Variants in CHRM2 observed in about 807,000 individuals in gnomAD.
The protein encoded by CHRM2 is cholinergic receptor muscarinic 2, also known as muscarinic acetylcholine receptor M2.
Under a neutral mutation model 25.0 loss-of-function variants are expected in CHRM2, and 8 were observed. That is an observed-to-expected ratio of 0.32 (90% CI 0.19 to 0.58). The LOEUF (loss-of-function observed/expected upper bound fraction) is 0.58, where lower values mean the gene tolerates loss of function less well. Ranked by LOEUF, CHRM2 falls within the 20% of genes least tolerant of loss-of-function variation. CHRM2 has a pLI of 0.88. For missense variants in CHRM2, 440 were observed against 567.1 expected, an observed-to-expected ratio of 0.78 and a Z score of 2.28; for synonymous variants, 202 against 205.7, an observed-to-expected ratio of 0.98 and a Z score of 0.15.
At chr7:136,961,601 G>C (rs1801086093) in intron 2 of CHRM2, among the ~76,000 whole-genome samples, 1 of 151,934 alleles carries the variant, frequency 6.6e-6, no homozygotes, top group Admixed American at 6.6e-5. Context: ...AGACTTTGGG[G>C]TACATTTCAA....
intron 2 of CHRM2, chr7:136,938,502 A>G: frequency 9.7e-7 from 1 of 1,026,108 alleles, no homozygotes; most frequent in Non-Finnish European, 1.5e-6. Flanking sequence ...CCTCTAGGAT[A>G]AGGGGGCTCA....
intron 2 of CHRM2, among the ~76,000 whole-genome samples, chr7:136,910,025 CTGAG>C (rs1250680389): frequency 6.6e-6 from 1 of 151,722 alleles, no homozygotes; most frequent in African/African-American, 2.4e-5. Flanking sequence ...TGTTTAGTAA[CTGAG>C]TGAGTAGTGG....
In CHRM2 at chr7:136,921,794, C is replaced by CTTTTTTTT. The variant is rs398006503; in HGVS notation, c.-125+52377_-125+52384dup. 1.7e-5 allele frequency among the ~76,000 whole-genome samples: 2 copies of CTTTTTTTT among 116,534 alleles called. 1 individual carries two copies. Among genetic ancestry groups the CTTTTTTTT allele is most frequent in the Non-Finnish European group, 4.1e-5 (2 of 48,782 alleles). The allele number at this position is 116,534 out of a possible 152,430, so 76.5% of individuals were successfully genotyped here. Reference sequence around the variant, plus strand: ...TCTTTCTTTCTTTCTTTCTTTCTTTCTTTTTTTTGAGACAGATTCTCACTC... The same window carrying CTTTTTTTT: ...TCTTTCTTTCTTTCTTTCTTTCTTTCTTTTTTTTTTTTTTTTGAGACAGATTCTCACTC... On this transcript the variant is annotated intron_variant, in intron 2 of 3. Coordinates refer to ENST00000680005, the MANE Select transcript of CHRM2 (RefSeq NM_001006630.2).
chr7:136,972,179 A>C (rs1801822642), intron 2 of CHRM2, among the ~76,000 whole-genome samples: 1 of 151,940 alleles, frequency 6.6e-6, no homozygotes, highest in Non-Finnish European at 1.5e-5. Flanking sequence ...GCCATCTTTC[A>C]GAATAACATA....
intron 2 of CHRM2, among the ~76,000 whole-genome samples, chr7:136,917,947 A>G (rs1450684972): frequency 6.6e-6 from 1 of 152,128 alleles, no homozygotes; most frequent in African/African-American, 2.4e-5. Flanking sequence ...ACAATCCATC[A>G]TGGAGCAGAC....
rs556010233 is a variant in CHRM2, at chr7:136,963,391, A to G, written c.-124-28796A>G. On this transcript the variant is annotated intron_variant, in intron 2 of 3. Transcript: ENST00000680005. Reference sequence around the variant, plus strand: ...GATCTCTGCTCTTGAGGAACTTACAATTCAAGAAAATCAAAGCAGTAAAGC... The same window carrying G: ...GATCTCTGCTCTTGAGGAACTTACAGTTCAAGAAAATCAAAGCAGTAAAGC... Among the ~76,000 whole-genome samples, 22 of 152,304 alleles carry G rather than the reference A, an allele frequency of 1.4e-4. No individual in the cohort carries two copies. In the East Asian group the frequency reaches 4.2e-3, roughly 29 times the overall value.
intron 2 of CHRM2, among the ~76,000 whole-genome samples, chr7:136,955,345 T>C (rs1349338540): frequency 6.6e-6 from 1 of 152,186 alleles, no homozygotes; most frequent in Non-Finnish European, 1.5e-5. Context: ...ACTATTACTC[T>C]GGGGCTTCAA....
chr7:136,925,255 A>G (rs934444801), intron 2 of CHRM2, among the ~76,000 whole-genome samples: 2 of 152,028 alleles, frequency 1.3e-5, no homozygotes, highest in Non-Finnish European at 2.9e-5. Context: ...TAGCTATCCA[A>G]CCGGATGCCA....
At chr7:136,951,018 C>A (rs1297262938) in intron 2 of CHRM2, 2 of 152,212 alleles carry the variant, frequency 1.3e-5, no homozygotes, top group Non-Finnish European at 2.9e-5. Flanking sequence ...CCAGGCTGAT[C>A]TTATACTCCT....
chr7:136,997,081 T>G (rs1803654767), intron 3 of CHRM2, among the ~76,000 whole-genome samples: 1 of 152,224 alleles, frequency 6.6e-6, no homozygotes, highest in South Asian at 2.1e-4. Flanking sequence ...CTGTACAGTG[T>G]GCATATGTTA....
At chr7:136,969,341 G>T (rs909406352) in intron 2 of CHRM2, among the ~76,000 whole-genome samples, 1 of 152,140 alleles carries the variant, frequency 6.6e-6, no homozygotes, top group Admixed American at 6.5e-5. Context: ...TTAGATTAAA[G>T]TTTGCTCTTT....
At chr7:136,994,521 CTTTTTTTTTTTTT>C (rs757243972) in intron 3 of CHRM2, among the ~76,000 whole-genome samples, 3 of 71,372 alleles carry the variant, frequency 4.2e-5, no homozygotes, top group Non-Finnish European at 8.4e-5. Flanking sequence ...TTTTTCTTTT[CTTTTTTTTTTTTT>C]TTTTTTTTTT....
chr7:136,911,710 A>G (rs7810473), intron 2 of CHRM2, among the ~76,000 whole-genome samples: 60,526 of 151,852 alleles, frequency 0.4, 12,758 homozygotes, highest in African/African-American at 0.44. Context: ...ACCTGTTTAC[A>G]TGTCGAATTT....
intron 3 of CHRM2, among the ~76,000 whole-genome samples, chr7:136,993,389 T>C (rs912819313): frequency 6.6e-6 from 1 of 152,222 alleles, no homozygotes; most frequent in African/African-American, 2.4e-5. Flanking sequence ...CTTAGTTTTC[T>C]TGTCTATAAA....
At chr7:136,874,450 T>C (rs1184806986) in intron 2 of CHRM2, among the ~76,000 whole-genome samples, 1 of 152,120 alleles carries the variant, frequency 6.6e-6, no homozygotes, top group Non-Finnish European at 1.5e-5. Context: ...TAATGTTTCA[T>C]GGTAGATAAG....
chr7:136,915,448 G>T (rs1180368491), intron 2 of CHRM2, among the ~76,000 whole-genome samples: 1 of 151,636 alleles, frequency 6.6e-6, no homozygotes, highest in Non-Finnish European at 1.5e-5. Flanking sequence ...TTGACTGATA[G>T]GTTTTAATTG....
At chr7:136,934,176 A>G (rs1297113286) in intron 2 of CHRM2, among the ~76,000 whole-genome samples, 3 of 152,110 alleles carry the variant, frequency 2.0e-5, no homozygotes, top group Non-Finnish European at 4.4e-5. Context: ...AATTTCTCCT[A>G]TGGAATTTTA....
chr7:136,985,162 A>C (rs1250470765), intron 2 of CHRM2, among the ~76,000 whole-genome samples: 1 of 152,182 alleles, frequency 6.6e-6, no homozygotes, highest in African/African-American at 2.4e-5. Context: ...ACATGTGAGC[A>C]CATATGCATT....
chr7:136,982,914 G>A (rs1802582265), intron 2 of CHRM2, among the ~76,000 whole-genome samples: 1 of 152,094 alleles, frequency 6.6e-6, no homozygotes, highest in African/African-American at 2.4e-5. Flanking sequence ...TGACGATTAT[G>A]TGTCTTGGGA....
Sources: allele counts gnomAD v4.1 joint callset (sites outside exome capture counted in the v4.1 genomes callset), GRCh38; gene constraint gnomAD v4.1.1; transcripts MANE v1.5; gene names NCBI Gene and HGNC (gene_info 2026-07-23, HGNC 2026-07-21).